The following NIN variants were observed in gnomAD, a reference collection of about 807,000 sequenced individuals.
NIN encodes glycogen synthase kinase 3 beta-interacting protein.
In NIN, 137 loss-of-function variants were observed where a neutral mutation model predicts 257.6. The observed-to-expected ratio is 0.53, with a 90% CI of 0.46 to 0.61. The LOEUF is 0.61. NIN is among the 20% of genes least tolerant of loss of function. The pLI is 0.00. For synonymous variants in NIN, 918 were observed against 919.8 expected (o/e 1.00, Z 0.04); for missense variants, 2,439 against 2,501.2 (o/e 0.98, Z 0.53).
At chr14:50,728,816 A>G (rs541460900) in intron 29 of NIN, among the ~76,000 whole-genome samples, 1 of 152,322 alleles carries the variant, frequency 6.6e-6, no homozygotes, top group South Asian at 2.1e-4. Flanking sequence ...TGTGGTGGTG[A>G]GCTGGGATCA....
chr14:50,756,372 G>C, intron 18 of NIN, 120 bp downstream of exon 18: 1 of 1,048,564 alleles, frequency 9.5e-7, no homozygotes, highest in South Asian at 1.6e-5. Context: ...GAAGTCTAGA[G>C]AGTACTGCTC....
In NIN at chr14:50,733,159, C is replaced by A. The variant is rs577131821; in HGVS notation, c.5877+2357G>T. On this transcript the variant is annotated intron_variant, in intron 28 of 30. Coordinates refer to ENST00000530997, the MANE Select transcript of NIN (RefSeq NM_020921.4). ...CTAGGCTGGAGTGCAGTGGCACGAT[C>A]TTGGCTCACTGCAACCTCCGCCTCC... Among the ~76,000 whole-genome samples the A allele has an allele frequency of 2.0e-5, 3 of 151,814 alleles. No individual in the cohort carries two copies. The East Asian group carries it at 5.8e-4, about 30-fold the overall frequency.
In NIN at chr14:50,806,683, T is replaced by G. The variant is rs2044342171; in HGVS notation, c.265+54A>C. On this transcript the variant is annotated intron_variant, in intron 4 of 30. Coordinates refer to ENST00000530997, the MANE Select transcript of NIN (RefSeq NM_020921.4). ...TACATGCTTCAAGGTCCCCAGATTC[T>G]TCCCCGGACAACTTTTAAAGGGGAA... 7.3e-6 allele frequency: 7 copies of G among 958,614 alleles called. No individual in the cohort carries two copies. In the South Asian group the frequency reaches 1.0e-4, roughly 14 times the overall value. The allele number at this position is 958,614 out of a possible 1,614,324, so 59.4% of individuals were successfully genotyped here.
At position 50,758,040 on chromosome 14, in the gene NIN, G is replaced by C. The variant is rs747915691; in HGVS notation, c.2990C>G (p.Thr997Ser). The C allele has an allele frequency of 3.7e-5, 59 of 1,614,060 alleles. 1 individual carries two copies. In the South Asian group the frequency reaches 5.4e-4, roughly 15 times the overall value. Residue 997 changes from threonine to serine, a missense_variant, in exon 18 of 31, where the codon ACC (threonine) becomes AGC (serine). Thr to Ser is a moderately conservative substitution (Grantham distance 58). This residue lies in a region of NIN where 2,043 missense variants were observed against 2,050.2 expected (regional missense o/e 1.00). Coordinates refer to ENST00000530997, the MANE Select transcript of NIN (RefSeq NM_020921.4). Reference protein sequence around the residue: ...LLAMENIHKATCETADRERAE... With the variant: ...LLAMENIHKASCETADRERAE... Reference sequence around the variant, plus strand: ...TCTTTCTCGATCTGCTGTCTCACAGGTCGCTTTGTGAATGTTCTCCATGGC... The same window carrying C: ...TCTTTCTCGATCTGCTGTCTCACAGCTCGCTTTGTGAATGTTCTCCATGGC...
At chr14:50,771,276 A>T in intron 10 of NIN, 56 bp downstream of exon 10, 2 of 1,592,534 alleles carry the variant, frequency 1.3e-6, no homozygotes, top group Non-Finnish European at 1.7e-6. Flanking sequence ...CATCCGAATG[A>T]CTTGCTGGAC....
At chr14:50,798,636 T>C (rs1251120285) in intron 4 of NIN, among the ~76,000 whole-genome samples, 2 of 152,252 alleles carry the variant, frequency 1.3e-5, no homozygotes, top group East Asian at 3.8e-4. Flanking sequence ...GGAAGAAGGA[T>C]GAGATACACT....
At position 50,806,821 on chromosome 14, in the gene NIN, A is replaced by T. The variant is rs931328558; in HGVS notation, c.184-3T>A. The T allele has an allele frequency of 8.3e-6, 11 of 1,327,276 alleles. No homozygotes were observed. Among genetic ancestry groups the T allele is most frequent in the Non-Finnish European group, 1.1e-5 (10 of 932,734 alleles). The allele number at this position is 1,327,276 out of a possible 1,614,324, so 82.2% of individuals were successfully genotyped here. A position where few individuals can be genotyped will look rare whatever the true frequency, so the allele number is the denominator to read the frequency against. ...TCTTTAAATTGGTCAAAATGTACCT[A>T]AAAAAAATTAAAAATAGATTTAAAG... On this transcript the variant is annotated splice_region_variant and splice_polypyrimidine_tract_variant and intron_variant, in intron 3 of 30. Transcript: ENST00000530997.
chr14:50,752,455 A>G (rs1227740566), intron 21 of NIN, 63 bp downstream of exon 21: 5 of 1,277,100 alleles, frequency 3.9e-6, no homozygotes, highest in South Asian at 1.3e-5. Context: ...AGTTTAATAC[A>G]AACATTTCTT....
At position 50,745,735 on chromosome 14, in the gene NIN, G is replaced by A. The variant is rs76327226; in HGVS notation, c.5065-1370C>T. Among the ~76,000 whole-genome samples, 1,282 of 152,234 alleles carry A rather than the reference G, an allele frequency of 8.4e-3. 22 individuals are homozygous for A. Among genetic ancestry groups the A allele is most frequent in the African/African-American group, 0.029 (1,193 of 41,550 alleles). On this transcript the variant is annotated intron_variant, in intron 22 of 30. Coordinates refer to ENST00000530997, the MANE Select transcript of NIN (RefSeq NM_020921.4). Reference sequence around the variant, plus strand: ...TTGTCTTCCTACCCTCCAGACACCCGTAAAGCTTGATACCATTTTGGATGT... The same window carrying A: ...TTGTCTTCCTACCCTCCAGACACCCATAAAGCTTGATACCATTTTGGATGT...
chr14:50,767,611 A>G (rs929766862), intron 12 of NIN, among the ~76,000 whole-genome samples: 25 of 152,260 alleles, frequency 1.6e-4, no homozygotes, highest in South Asian at 4.1e-4. Flanking sequence ...AGGTCAGGAG[A>G]TCGAGACCAT....
At chr14:50,799,604 G>A (rs1272381988) in intron 4 of NIN, among the ~76,000 whole-genome samples, 1 of 152,166 alleles carries the variant, frequency 6.6e-6, no homozygotes, top group African/African-American at 2.4e-5. Flanking sequence ...GAGCTGATGT[G>A]AGAGGAACAC....
At chr14:50,772,874 G>A (rs1317862045) in intron 8 of NIN, 75 bp downstream of exon 8, 28 of 1,269,710 alleles carry the variant, frequency 2.2e-5, no homozygotes, top group Non-Finnish European at 2.9e-5. Context: ...TCAGACAACA[G>A]ATTAATTTAT....
intron 3 of NIN, among the ~76,000 whole-genome samples, chr14:50,819,206 T>C (rs2045080066): frequency 6.6e-6 from 1 of 152,216 alleles, no homozygotes; most frequent in African/African-American, 2.4e-5. Context: ...AGTTGATGGA[T>C]ACTAATGCAG....
intron 8 of NIN, 40 bp downstream of exon 8, chr14:50,772,905 TCTAA>T: frequency 3.2e-6 from 5 of 1,555,286 alleles, no homozygotes; most frequent in Non-Finnish European, 4.4e-6. Flanking sequence ...TTAAATGGGT[TCTAA>T]CTTTTATTCA....
Position 50,805,488 on chromosome 14 carries a change from G to A in NIN, c.265+1249C>T, listed in dbSNP as rs191517971. 3.3e-5 allele frequency among the ~76,000 whole-genome samples: 5 copies of A among 152,170 alleles called. No homozygotes were observed. The East Asian group carries it at 5.8e-4, about 18-fold the overall frequency. On this transcript the variant is annotated intron_variant, in intron 4 of 30. Coordinates refer to ENST00000530997, the MANE Select transcript of NIN (RefSeq NM_020921.4). ...GGGTGTCACCATCCCCGAAAAAGGC[G>A]GAGACTCAATCCAGAACCTAAAACA...
chr14:50,807,044 G>GA (rs1166653696), intron 3 of NIN, among the ~76,000 whole-genome samples: 1 of 151,942 alleles, frequency 6.6e-6, no homozygotes, highest in Non-Finnish European at 1.5e-5. Context: ...CACCCCAAAG[G>GA]AAAAAAGCTA....
Position 50,757,395 on chromosome 14 carries a change from G to A in NIN, c.3635C>T (p.Ala1212Val), listed in dbSNP as rs548569136. ...QLQEQLMMLC[A>V]DCDRASEKKQ... ...CTTTTCAGAAGCTCGATCACAGTCC[G>A]CACATAACATCATTAGCTGTTCCTG... The change falls in exon 18 of 31, where the codon GCG (alanine) becomes GTG (valine). Residue 1212 changes from alanine (A) to valine (V), a missense_variant. Ala to Val is a moderately conservative substitution (Grantham distance 64). Coordinates refer to ENST00000530997, the MANE Select transcript of NIN (RefSeq NM_020921.4). 42 of 1,614,078 alleles carry A rather than the reference G, an allele frequency of 2.6e-5. No homozygotes were observed. Among genetic ancestry groups the A allele is most frequent in the Middle Eastern group, 1.6e-4 (1 of 6,062 alleles).
intron 5 of NIN, among the ~76,000 whole-genome samples, chr14:50,779,680 C>A (rs1322636460): frequency 6.6e-6 from 1 of 152,000 alleles, no homozygotes; most frequent in Non-Finnish European, 1.5e-5. Context: ...ATGGCGTGAA[C>A]CCGGGAGGCG....
intron 29 of NIN, among the ~76,000 whole-genome samples, chr14:50,726,904 A>C (rs2040433416): frequency 6.6e-6 from 1 of 152,332 alleles, no homozygotes; most frequent in East Asian, 1.9e-4. Flanking sequence ...AGAATGACTA[A>C]ACATGAGTCA....
Sources: gnomAD v4.1 joint callset for allele counts (sites outside exome capture counted in the v4.1 genomes callset) on GRCh38, gnomAD v4.1.1 for gene constraint, gnomAD v4.1.1 regional missense constraint, MANE v1.5 for transcripts, NCBI Gene and HGNC (gene_info 2026-07-23, HGNC 2026-07-21) for gene names.